The following CBLB variants were observed in gnomAD, a reference collection of about 807,000 sequenced individuals.
The protein encoded by CBLB is E3 ubiquitin-protein ligase CBL-B.
Under a neutral mutation model 104.9 loss-of-function variants are expected in CBLB, and 31 were observed. That is an observed-to-expected ratio of 0.30 (90% CI 0.22 to 0.40). The LOEUF is 0.40. CBLB is among the 10% of genes least tolerant of loss of function. The pLI is 1.00. For synonymous variants in CBLB, 440 were observed against 422.6 expected, an observed-to-expected ratio of 1.04 and a Z score of -0.51; for missense variants, 1,062 against 1,214.6, an observed-to-expected ratio of 0.87 and a Z score of 1.87.
At position 105,853,500 on chromosome 3, in the gene CBLB, A is replaced by C; in HGVS notation, c.333T>G (p.Ile111Met). 6.2e-7 allele frequency: 1 copy of C among 1,613,428 alleles called. No individual in the cohort carries two copies. The highest frequency in any genetic ancestry group is 8.5e-7 in the Non-Finnish European group (1 of 1,179,534). The change falls in exon 3 of 19, where the codon ATT becomes ATG. Residue 111 changes from isoleucine to methionine, a missense_variant. Coordinates refer to ENST00000394030, the MANE Select transcript of CBLB (RefSeq NM_170662.5). ...GTTTTGACTTTTTCATAAGGCTATCAATGTAGATTTTAAAGTACTCATTCT... is the reference window on the plus strand; with the variant it reads ...GTTTTGACTTTTTCATAAGGCTATCCATGTAGATTTTAAAGTACTCATTCT... ...LSENEYFKIY[I>M]DSLMKKSKRA...
intron 3 of CBLB, among the ~76,000 whole-genome samples, chr3:105,802,645 G>A (rs969986083): frequency 6.6e-6 from 1 of 152,120 alleles, no homozygotes; most frequent in Non-Finnish European, 1.5e-5. Flanking sequence ...TATGTTTTGG[G>A]AGAGAAGCTT....
chr3:105,700,424 C>G (rs2068927786), intron 12 of CBLB, among the ~76,000 whole-genome samples: 1 of 151,900 alleles, frequency 6.6e-6, no homozygotes, highest in African/African-American at 2.4e-5. Flanking sequence ...TTCTAACACT[C>G]TTCCCAAGAC....
At chr3:105,864,621 G>A in intron 2 of CBLB, among the ~76,000 whole-genome samples, 1 of 152,090 alleles carries the variant, frequency 6.6e-6, no homozygotes, top group Non-Finnish European at 1.5e-5. Flanking sequence ...TGCTAACTCT[G>A]TGCTACTGAT....
Position 105,751,462 on chromosome 3 carries a change from C to T in CBLB, c.723G>A (p.Gln241=). Residue 241 remains glutamine (Q), a splice_region_variant and synonymous_variant, in exon 5 of 19, where the codon CAG becomes CAA. Transcript: ENST00000394030. The part of the protein sequence containing the change: ...FEFDIFTRLF[Q]PWGSILRNWN... ...ATAGACTAAGCAAGTATAAACTTAC[C>T]TGAAACAGCCTGGTAAAAATATCAA... 6.2e-7 allele frequency: 1 copy of T among 1,604,112 alleles called. No individual in the cohort carries two copies. Among genetic ancestry groups the T allele is most frequent in the Non-Finnish European group, 8.5e-7 (1 of 1,171,456 alleles).
At chr3:105,803,738 C>T (rs988342918) in intron 3 of CBLB, among the ~76,000 whole-genome samples, 3 of 152,024 alleles carry the variant, frequency 2.0e-5, no homozygotes, top group Non-Finnish European at 4.4e-5. Flanking sequence ...TTAATAAAGC[C>T]GGGTACACAT....
At chr3:105,663,442 A>G (rs755698382) in intron 18 of CBLB, among the ~76,000 whole-genome samples, 20 of 152,108 alleles carry the variant, frequency 1.3e-4, no homozygotes, top group Non-Finnish European at 2.5e-4. Flanking sequence ...CATTATTGTT[A>G]ACAGGCTTCA....
chr3:105,781,174 G>C (rs952716890), intron 3 of CBLB, among the ~76,000 whole-genome samples: 3 of 151,980 alleles, frequency 2.0e-5, no homozygotes, highest in African/African-American at 7.3e-5. Flanking sequence ...AAGCAACAAG[G>C]TACCTCTTCA....
At chr3:105,675,436 T>C (rs2065497295) in intron 17 of CBLB, among the ~76,000 whole-genome samples, 1 of 152,220 alleles carries the variant, frequency 6.6e-6, no homozygotes, top group African/African-American at 2.4e-5. Flanking sequence ...TTAAATACTT[T>C]GCAAAACAAT....
intron 4 of CBLB, among the ~76,000 whole-genome samples, chr3:105,767,562 C>CT (rs34794014): frequency 0.73 from 103,680 of 141,194 alleles, 37,939 homozygotes; most frequent in South Asian, 0.81. Context: ...CTTTTTCTTT[C>CT]TTTTTTTTTT....
At chr3:105,663,901 A>C (rs1310752172) in intron 18 of CBLB, among the ~76,000 whole-genome samples, 3 of 21,366 alleles carry the variant, frequency 1.4e-4, no homozygotes, top group Non-Finnish European at 3.5e-4. Flanking sequence ...CAGAAAGCTT[A>C]TTAGGAAAAA....
At chr3:105,825,814 A>G (rs897382850) in intron 3 of CBLB, among the ~76,000 whole-genome samples, 5 of 152,204 alleles carry the variant, frequency 3.3e-5, no homozygotes, top group Admixed American at 6.5e-5. Context: ...AAATAGCATG[A>G]TATCACTATC....
chr3:105,766,396 T>C (rs1249852369), intron 4 of CBLB, among the ~76,000 whole-genome samples: 1 of 152,188 alleles, frequency 6.6e-6, no homozygotes, highest in Non-Finnish European at 1.5e-5. Flanking sequence ...AATGAAACTC[T>C]ATTGTGAGTA....
At chr3:105,839,153 T>G (rs1003029450) in intron 3 of CBLB, among the ~76,000 whole-genome samples, 1 of 152,126 alleles carries the variant, frequency 6.6e-6, no homozygotes, top group Non-Finnish European at 1.5e-5. Context: ...AGATCCCAAC[T>G]GGTAAATTTA....
At chr3:105,848,524 T>C (rs1167941922) in intron 3 of CBLB, among the ~76,000 whole-genome samples, 3 of 152,104 alleles carry the variant, frequency 2.0e-5, no homozygotes, top group Admixed American at 2.0e-4. Context: ...TCAACTAAAA[T>C]TTTAAAAAGC....
chr3:105,661,494 A>G (rs2063786142), intron 18 of CBLB, among the ~76,000 whole-genome samples: 1 of 152,242 alleles, frequency 6.6e-6, no homozygotes, highest in African/African-American at 2.4e-5. Flanking sequence ...TTAGATGAGA[A>G]AAGTACCTAG....
intron 17 of CBLB, among the ~76,000 whole-genome samples, chr3:105,677,522 T>C (rs2065803059): frequency 6.6e-6 from 1 of 151,862 alleles, no homozygotes; most frequent in Non-Finnish European, 1.5e-5. Flanking sequence ...ATTTATCTCA[T>C]GTAGAAATGT....
chr3:105,688,680 A>G (rs1489863039), intron 13 of CBLB, among the ~76,000 whole-genome samples: 1 of 152,076 alleles, frequency 6.6e-6, no homozygotes, highest in Non-Finnish European at 1.5e-5. Flanking sequence ...TAACTCAAAT[A>G]AATAGTCCAG....
intron 13 of CBLB, among the ~76,000 whole-genome samples, chr3:105,688,329 T>G (rs1352042774): frequency 3.9e-5 from 6 of 151,988 alleles, no homozygotes; most frequent in African/African-American, 1.4e-4. Flanking sequence ...CTCTCAAAGA[T>G]GCATAGTCAC....
chr3:105,669,915 T>C (rs1173848965), intron 18 of CBLB, among the ~76,000 whole-genome samples: 1 of 152,090 alleles, frequency 6.6e-6, no homozygotes, highest in Admixed American at 6.6e-5. Flanking sequence ...AGCATTGCAA[T>C]GTACAAAGAG....
Sources: gnomAD v4.1 joint callset for allele counts (sites outside exome capture counted in the v4.1 genomes callset) on GRCh38, gnomAD v4.1.1 for gene constraint, MANE v1.5 for transcripts, NCBI Gene and HGNC (gene_info 2026-07-23, HGNC 2026-07-21) for gene names.